The following PUDP variants were observed in gnomAD, a reference collection of about 807,000 sequenced individuals.
The protein encoded by PUDP is pseudouridine 5'-phosphatase.
PUDP carries 8 observed loss-of-function variants against 9.4 expected under a neutral mutation model. That is an observed-to-expected ratio of 0.85 (90% CI 0.50 to 1.53). The LOEUF is 1.53. Ranked by LOEUF, PUDP falls within the 40% of genes most tolerant of loss-of-function variation. PUDP has a pLI of 0.00. For missense variants in PUDP, 188 were observed against 189.7 expected (o/e 0.99, Z 0.05); for synonymous variants, 99 against 80.7 (o/e 1.23, Z -1.22).
At position 7,031,068 on chromosome X, in the gene PUDP, C is replaced by T. The variant is rs772713858; in HGVS notation, c.204+46152G>A. ...CCATGGCATTTGTAAACTGTCATGG[C>T]GCTGGTGGGAAGGTAGTAGTGAGGA... On this transcript the variant is annotated intron_variant and NMD_transcript_variant, in intron 1 of 3. Coordinates refer to the PUDP transcript ENST00000655425. 4.2e-4 allele frequency among the ~76,000 whole-genome samples: 47 copies of T among 110,969 alleles called. No homozygotes were observed. In the South Asian group the frequency reaches 0.018, roughly 43 times the overall value.
At chrX:6,722,961 A>G (rs1056322706), upstream of PUDP, among the ~76,000 whole-genome samples, 1 of 111,833 alleles carries the variant, frequency 8.9e-6, no homozygotes, top group African/African-American at 3.2e-5. Flanking sequence ...CACTCTTGAT[A>G]ATTCTGTAAA....
At chrX:6,791,260 T>C (rs1602620815) in intron 3 of PUDP, among the ~76,000 whole-genome samples, 1 of 94,203 alleles carries the variant, frequency 1.1e-5, no homozygotes, top group Admixed American at 1.3e-4. Flanking sequence ...GAGGCTGGGA[T>C]GGGAAGCGTG....
intron 3 of PUDP, among the ~76,000 whole-genome samples, chrX:6,888,142 T>C (rs770832394): frequency 9.0e-6 from 1 of 111,214 alleles, no homozygotes; most frequent in South Asian, 3.9e-4. Flanking sequence ...AGACCGTGTA[T>C]TAAAATTCAT....
chrX:7,120,284 G>A (rs765197164), intron 1 of PUDP, among the ~76,000 whole-genome samples: 1 of 111,279 alleles, frequency 9.0e-6, no homozygotes, highest in East Asian at 2.8e-4. Flanking sequence ...GATTATCCAG[G>A]TGGACTCAAT....
chrX:6,788,429 G>A (rs976643063), intron 3 of PUDP, among the ~76,000 whole-genome samples: 29 of 112,144 alleles, frequency 2.6e-4, no homozygotes, highest in African/African-American at 9.1e-4. Context: ...GGGGCTGGCT[G>A]TAGTGGCTTA....
At chrX:7,028,017 A>G (rs1357175823) in intron 1 of PUDP, among the ~76,000 whole-genome samples, 1 of 104,798 alleles carries the variant, frequency 9.5e-6, no homozygotes, top group Non-Finnish European at 1.9e-5. Flanking sequence ...ATATTATTCT[A>G]TATATAGTTT....
At chrX:6,979,362 A>G (rs780755649) in intron 1 of PUDP, among the ~76,000 whole-genome samples, 18 of 111,984 alleles carry the variant, frequency 1.6e-4, no homozygotes, top group Admixed American at 9.5e-5. Flanking sequence ...CTCTCCATGA[A>G]CATACTGGTG....
chrX:6,831,854 G>T (rs1926508871), intron 3 of PUDP, among the ~76,000 whole-genome samples: 1 of 111,605 alleles, frequency 9.0e-6, no homozygotes, highest in Non-Finnish European at 1.9e-5. Context: ...ACCCAAACAA[G>T]CAAGACATAA....
intron 3 of PUDP, among the ~76,000 whole-genome samples, chrX:6,964,467 G>A (rs1244040772): frequency 9.0e-6 from 1 of 111,349 alleles, no homozygotes; most frequent in Non-Finnish European, 1.9e-5. Context: ...GAGCCTGGGA[G>A]GTTGAGACCA....
Position 6,822,077 on chromosome X carries a change from C to T in PUDP, c.*248-115611G>A, listed in dbSNP as rs187450470. 1.4e-4 allele frequency among the ~76,000 whole-genome samples: 16 copies of T among 111,640 alleles called. No individual in the cohort carries two copies. In the East Asian group the frequency reaches 4.5e-3, roughly 31 times the overall value. On this transcript the variant is annotated intron_variant and NMD_transcript_variant, in intron 3 of 3. Coordinates refer to the PUDP transcript ENST00000655425. ...GCAACCCATTTTCTCCAGGACCCCA[C>T]TCTCTGCAGCAGAAAGAGCTTTTCT...
intron 1 of PUDP, among the ~76,000 whole-genome samples, chrX:6,999,244 T>C (rs1929291583): frequency 8.9e-6 from 1 of 111,767 alleles, no homozygotes; most frequent in Non-Finnish European, 1.9e-5. Context: ...GCAGGGCGAC[T>C]GTGTTGGTCA....
chrX:7,092,046 G>GA (rs1233292762), intron 2 of PUDP, among the ~76,000 whole-genome samples: 4 of 112,709 alleles, frequency 3.5e-5, no homozygotes, highest in Non-Finnish European at 7.5e-5. Context: ...TCATCGTAGA[G>GA]AATGCCATAC....
At chrX:7,144,406 C>T (rs1326130986) in intron 1 of PUDP, among the ~76,000 whole-genome samples, 1 of 112,150 alleles carries the variant, frequency 8.9e-6, no homozygotes, top group East Asian at 2.8e-4. Flanking sequence ...AAGAAACAGC[C>T]TACATGAAGT....
At chrX:6,962,600 T>A (rs1928724929) in intron 3 of PUDP, among the ~76,000 whole-genome samples, 1 of 112,522 alleles carries the variant, frequency 8.9e-6, no homozygotes, top group Non-Finnish European at 1.9e-5. Flanking sequence ...TTTTATGCCA[T>A]AAAATTCAGT....
intron 3 of PUDP, among the ~76,000 whole-genome samples, chrX:6,916,191 TACACACACACACACACACACAC>T (rs747162229): frequency 3.4e-4 from 24 of 69,829 alleles, no homozygotes; most frequent in South Asian, 9.7e-4. Context: ...ATGCTTTTTC[TACACACACACACACACACACAC>T]ACACACACAC....
chrX:7,117,926 C>G (rs1569164664), intron 1 of PUDP, among the ~76,000 whole-genome samples: 1 of 113,296 alleles, frequency 8.8e-6, no homozygotes. Flanking sequence ...TCAAAGGGAG[C>G]TCATCCTGGT....
chrX:6,777,533 A>T (rs947547621), intron 3 of PUDP, among the ~76,000 whole-genome samples: 10 of 112,446 alleles, frequency 8.9e-5, no homozygotes, highest in Non-Finnish European at 1.9e-4. Flanking sequence ...TTGCAACTGT[A>T]TGAATGCACT....
At chrX:6,897,162 G>A (rs1203409297) in intron 3 of PUDP, among the ~76,000 whole-genome samples, 1 of 111,646 alleles carries the variant, frequency 9.0e-6, no homozygotes, top group African/African-American at 3.3e-5. Context: ...AAGTCAGGAA[G>A]AGGGCAGACA....
intron 1 of PUDP, among the ~76,000 whole-genome samples, chrX:7,043,269 C>A (rs1001183221): frequency 1.2e-4 from 13 of 111,259 alleles, no homozygotes; most frequent in African/African-American, 3.9e-4. Flanking sequence ...GAGGCAGATC[C>A]CTCATGAATG....
Sources: allele counts gnomAD v4.1 joint callset (sites outside exome capture counted in the v4.1 genomes callset), GRCh38; gene constraint gnomAD v4.1.1; transcripts MANE v1.5; gene names NCBI Gene and HGNC (gene_info 2026-07-23, HGNC 2026-07-21).